Variants in PTP4A2 observed in about 807,000 individuals in gnomAD.
PTP4A2 encodes the protein protein tyrosine phosphatase type IVA 2.
A neutral mutation model predicts 22.9 loss-of-function variants in PTP4A2; 2 were observed. The ratio of observed to expected loss-of-function variants is 0.09; its 90% CI spans 0.04 to 0.27. PTP4A2 has a LOEUF of 0.27. Among genes scored for constraint, PTP4A2 ranks in the 10% least tolerant of loss-of-function variants. The probability of loss-of-function intolerance (pLI) is 1.00; values close to 1 mark genes in which losing one functional copy is unlikely to be tolerated. For missense variants in PTP4A2, 103 were observed against 205.1 expected (o/e 0.50, Z 3.04); for synonymous variants, 68 against 69.1 (o/e 0.98, Z 0.08).
chr1:31,913,509 G>C (rs1651655023), intron 3 of PTP4A2, among the ~76,000 whole-genome samples: 2 of 152,004 alleles, frequency 1.3e-5, no homozygotes, highest in Admixed American at 1.3e-4. Flanking sequence ...TATAGTGGTT[G>C]TACTAGTTTA....
rs1332662992 is a variant in PTP4A2 at position 31,907,189 on chromosome 1, G to A, written c.*1663C>T. 6.6e-6 allele frequency: 1 copy of A among 152,178 alleles called. No individual in the cohort carries two copies. Among genetic ancestry groups the A allele is most frequent in the East Asian group, 1.9e-4 (1 of 5,200 alleles). The allele number at this position is 152,178 out of a possible 1,614,324, so 9.4% of individuals were successfully genotyped here. On this transcript the variant is annotated 3_prime_UTR_variant, in exon 6 of 6. Transcript: ENST00000647444. ...TGGCCTAGCTGACGCTAACAAAATG[G>A]GAGGCTTATGGCTCTGCACAGCAAA...
chr1:31,929,090 A>G (rs1557868077), intron 1 of PTP4A2, among the ~76,000 whole-genome samples: 1 of 152,256 alleles, frequency 6.6e-6, no homozygotes, highest in Non-Finnish European at 1.5e-5. Flanking sequence ...ACTATAAGAC[A>G]AAAATTGCAT....
intron 2 of PTP4A2, among the ~76,000 whole-genome samples, chr1:31,916,365 A>G (rs1163569396): frequency 2.5e-4 from 34 of 138,330 alleles, no homozygotes; most frequent in African/African-American, 8.5e-4. Flanking sequence ...AAAAAAAAAA[A>G]AAAAAAAGAA....
At chr1:31,930,263 C>CG (rs373147875) in intron 1 of PTP4A2, among the ~76,000 whole-genome samples, 12 of 151,618 alleles carry the variant, frequency 7.9e-5, no homozygotes, top group East Asian at 1.9e-4. Context: ...GCGTGAACCC[C>CG]GGGGGGGCGG....
At chr1:31,911,591 G>A in intron 4 of PTP4A2, 105 bp downstream of exon 4, 1 of 1,056,876 alleles carries the variant, frequency 9.5e-7, no homozygotes, top group Non-Finnish European at 1.3e-6. Flanking sequence ...GTAATTTAAT[G>A]TTATTTAGTA....
intron 1 of PTP4A2, among the ~76,000 whole-genome samples, chr1:31,933,452 C>G (rs914624326): frequency 4.6e-5 from 7 of 152,174 alleles, no homozygotes; most frequent in African/African-American, 1.7e-4. Flanking sequence ...AACTTAGATT[C>G]TAAAACCTGG....
In PTP4A2 at chr1:31,924,637, T is replaced by G. The variant is rs372934155; in HGVS notation, c.-593-4979A>C. Among the ~76,000 whole-genome samples the G allele has an allele frequency of 2.2e-3, 334 of 152,370 alleles. 1 individual carries two copies. The South Asian group carries it at 0.024, about 11-fold the overall frequency. On this transcript the variant is annotated intron_variant, in intron 1 of 5. Transcript: ENST00000647444. ...ATTCTGCTCTATCTACTTAAATAAA[T>G]TATTGTTTTAACTTACCAAGTGATG... is the stretch of plus-strand genomic sequence containing the variant.
intron 1 of PTP4A2, among the ~76,000 whole-genome samples, chr1:31,929,782 A>C (rs1364338282): frequency 2.6e-5 from 4 of 152,222 alleles, no homozygotes. Context: ...TAAATAATTT[A>C]AGATTCTGAA....
rs200368265 is a variant in PTP4A2, at chr1:31,922,586, GTTTCTTTCTTTCTTTCTTTCTTTC to G, written c.-593-2952_-593-2929del. ...AGCTTAAGAACAAAAACCCAGGTTT[GTTTCTTTCTTTCTTTCTTTCTTTC>G]TTTCTTTCTTTCTTTCTTTCTTTCT... On this transcript the variant is annotated intron_variant, in intron 1 of 5. Coordinates refer to ENST00000647444, the MANE Select transcript of PTP4A2 (RefSeq NM_080391.4). 7.2e-3 allele frequency among the ~76,000 whole-genome samples: 1,058 copies of G among 146,112 alleles called. 18 individuals carry two copies. The highest frequency in any genetic ancestry group is 0.023 in the African/African-American group (907 of 39,136).
Position 31,906,755 on chromosome 1 carries a change from T to TACATAC in PTP4A2, c.*2096_*2097insGTATGT, listed in dbSNP as rs1183573394. The TACATAC allele has an allele frequency of 6.4e-4, 85 of 133,312 alleles. No individual in the cohort carries two copies. The highest frequency in any genetic ancestry group is 2.2e-3 in the African/African-American group (75 of 34,086). 8.3% of individuals were successfully genotyped at this position (133,312 alleles called of 1,614,324 possible). ...GCGCGTGCACACACACACACACACA[T>TACATAC]ACACACACACACACACACACACACA... is the stretch of plus-strand genomic sequence containing the variant. On this transcript the variant is annotated 3_prime_UTR_variant, in exon 6 of 6. Coordinates refer to ENST00000647444, the MANE Select transcript of PTP4A2 (RefSeq NM_080391.4).
intron 4 of PTP4A2, chr1:31,910,952 T>C (rs1447026291): frequency 2.6e-5 from 4 of 152,232 alleles, no homozygotes; most frequent in African/African-American, 9.6e-5. Context: ...ATAAAGCCCA[T>C]TACAGGGCAC....
intron 1 of PTP4A2, among the ~76,000 whole-genome samples, chr1:31,937,321 T>A (rs949129613): frequency 3.3e-5 from 5 of 151,986 alleles, no homozygotes; most frequent in African/African-American, 1.2e-4. Context: ...TGGAGGAGAC[T>A]TATACCCCCT....
intron 2 of PTP4A2, among the ~76,000 whole-genome samples, chr1:31,918,182 G>A (rs1324106109): frequency 6.6e-6 from 1 of 151,276 alleles, no homozygotes; most frequent in African/African-American, 2.4e-5. Context: ...CCGGGAGGGG[G>A]AACTTGCAGT....
rs1198265018 is a variant in PTP4A2, at chr1:31,919,633, G to A, written c.-568C>T. 2 of 152,624 alleles carry A rather than the reference G, an allele frequency of 1.3e-5. No homozygotes were observed. The highest frequency in any genetic ancestry group is 6.5e-5 in the Admixed American group (1 of 15,270). 9.5% of individuals were successfully genotyped at this position (152,624 alleles called of 1,614,324 possible). ...CCTCACACTCAGAATCGCCATAAAT[G>A]TGCAACGTATATTCCAACGAAAAAC... is the stretch of plus-strand genomic sequence containing the variant. On this transcript the variant is annotated 5_prime_UTR_variant, in exon 2 of 6. Coordinates refer to ENST00000647444, the MANE Select transcript of PTP4A2 (RefSeq NM_080391.4).
At chr1:31,937,485 C>T (rs1380206623) in intron 1 of PTP4A2, among the ~76,000 whole-genome samples, 1 of 151,848 alleles carries the variant, frequency 6.6e-6, no homozygotes, top group African/African-American at 2.4e-5. Flanking sequence ...GCCGGCACAC[C>T]CTACCACACT....
At chr1:31,925,759 C>CA (rs67546696) in intron 1 of PTP4A2, among the ~76,000 whole-genome samples, 14,479 of 135,750 alleles carry the variant, frequency 0.11, 1,124 homozygotes, top group African/African-American at 0.23. Context: ...GACTCCATCT[C>CA]AAAAAAAAAA....
intron 3 of PTP4A2, among the ~76,000 whole-genome samples, chr1:31,913,227 A>G (rs377027910): frequency 3.1e-4 from 47 of 152,176 alleles, no homozygotes; most frequent in African/African-American, 1.1e-3. Context: ...CTTACCATGA[A>G]ATGTTCCAAA....
chr1:31,926,149 A>AAATATATATATATAT, intron 1 of PTP4A2, among the ~76,000 whole-genome samples: 1 of 131,348 alleles, frequency 7.6e-6, no homozygotes, highest in Non-Finnish European at 1.6e-5. Context: ...AAAAAAAAAA[A>AAATATATATATATAT]ATATATATAT....
intron 3 of PTP4A2, 156 bp downstream of exon 3, chr1:31,915,739 C>G: frequency 1.8e-6 from 1 of 565,062 alleles, no homozygotes; most frequent in South Asian, 2.4e-5. Context: ...GAGATCTCGC[C>G]ACATTGCCCA....
Sources: gnomAD v4.1 joint callset for allele counts (sites outside exome capture counted in the v4.1 genomes callset) on GRCh38, gnomAD v4.1.1 for gene constraint, MANE v1.5 for transcripts, NCBI Gene and HGNC (gene_info 2026-07-23, HGNC 2026-07-21) for gene names.